Variants in SGCD observed in about 807,000 individuals in gnomAD.
SGCD encodes the protein delta-sarcoglycan.
SGCD carries 18 observed loss-of-function variants against 36.6 expected under a neutral mutation model. That is an observed-to-expected ratio of 0.49 (90% CI 0.34 to 0.73). The LOEUF is 0.73. Ranked by LOEUF, SGCD falls within the 30% of genes least tolerant of loss-of-function variation. SGCD has a pLI of 0.01. For missense variants in SGCD, 387 were observed against 346.7 expected, an observed-to-expected ratio of 1.12 and a Z score of -0.92; for synonymous variants, 133 against 130.6, an observed-to-expected ratio of 1.02 and a Z score of -0.12.
At chr5:156,576,274 A>ATAGT (rs1759949104) in intron 4 of SGCD, among the ~76,000 whole-genome samples, 1 of 152,164 alleles carries the variant, frequency 6.6e-6, no homozygotes. Context: ...TCATGGCTAC[A>ATAGT]TAGTATTCCA....
chr5:155,756,015 A>G, the SGCD span, among the ~76,000 whole-genome samples: 1 of 152,188 alleles, frequency 6.6e-6, no homozygotes, highest in Admixed American at 6.6e-5. Context: ...CATTTGTTCA[A>G]TTACAAAGTG....
Position 156,585,501 on chromosome 5 carries a change from T to C in SGCD, c.295-3730T>C, listed in dbSNP as rs150691475. On this transcript the variant is annotated intron_variant, in intron 4 of 8. Coordinates refer to ENST00000337851, the MANE Select transcript of SGCD (RefSeq NM_000337.6). Reference sequence around the variant, plus strand: ...CAGGTGATATTCAAAGTTAGTGTTATTTTAGTAAACATAGAGCACTGCGAC... The same window carrying C: ...CAGGTGATATTCAAAGTTAGTGTTACTTTAGTAAACATAGAGCACTGCGAC... 3.6e-3 allele frequency among the ~76,000 whole-genome samples: 549 copies of C among 152,314 alleles called. 4 individuals carry two copies. The highest frequency in any genetic ancestry group is 0.013 in the African/African-American group (529 of 41,572).
chr5:155,831,379 A>G, the SGCD span, among the ~76,000 whole-genome samples: 3 of 152,172 alleles, frequency 2.0e-5, no homozygotes, highest in South Asian at 4.1e-4. Flanking sequence ...GAGATTTACC[A>G]TTGTTTTAAG....
intron 3 of SGCD, among the ~76,000 whole-genome samples, chr5:156,471,225 A>G (rs989082676): frequency 6.6e-6 from 1 of 152,212 alleles, no homozygotes; most frequent in African/African-American, 2.4e-5. Flanking sequence ...TTTTTAAGAT[A>G]CTTCTCATCA....
At chr5:156,183,020 C>A (rs1259913299) in intron 3 of SGCD, among the ~76,000 whole-genome samples, 9 of 152,118 alleles carry the variant, frequency 5.9e-5, no homozygotes, top group Admixed American at 5.9e-4. Context: ...TGGCTCATGC[C>A]TGTAATCCTA....
At chr5:155,968,134 T>A (rs926374876) in intron 1 of SGCD, among the ~76,000 whole-genome samples, 1 of 152,094 alleles carries the variant, frequency 6.6e-6, no homozygotes, top group Non-Finnish European at 1.5e-5. Context: ...TTTCTCAGAA[T>A]TAAGCAAATG....
At chr5:156,385,877 T>C (rs947966174) in intron 3 of SGCD, among the ~76,000 whole-genome samples, 1 of 152,206 alleles carries the variant, frequency 6.6e-6, no homozygotes, top group Non-Finnish European at 1.5e-5. Flanking sequence ...CTCCTACAGT[T>C]GCCCAAACTA....
chr5:156,265,070 A>C (rs1344728844), intron 3 of SGCD, among the ~76,000 whole-genome samples: 1 of 152,202 alleles, frequency 6.6e-6, no homozygotes, highest in African/African-American at 2.4e-5. Flanking sequence ...CTAGAAGCCC[A>C]GCCTTTTCAG....
chr5:156,101,876 G>A (rs1480179642), intron 1 of SGCD, among the ~76,000 whole-genome samples: 3 of 148,940 alleles, frequency 2.0e-5, no homozygotes, highest in Non-Finnish European at 4.4e-5. Flanking sequence ...AAACGTATAG[G>A]AGAATCTATT....
At chr5:156,735,921 G>C (rs1227892089) in intron 7 of SGCD, among the ~76,000 whole-genome samples, 1 of 152,198 alleles carries the variant, frequency 6.6e-6, no homozygotes, top group African/African-American at 2.4e-5. Context: ...CTGTGTGTCA[G>C]ACTGAAGGCC....
chr5:156,338,906 A>T (rs768547698), intron 2 of SGCD, among the ~76,000 whole-genome samples: 1 of 152,088 alleles, frequency 6.6e-6, no homozygotes, highest in Non-Finnish European at 1.5e-5. Flanking sequence ...TCACAAGCCC[A>T]AGTCCAAGTC....
At chr5:156,468,288 C>T (rs1754798497) in intron 3 of SGCD, among the ~76,000 whole-genome samples, 1 of 143,672 alleles carries the variant, frequency 7.0e-6, no homozygotes, top group African/African-American at 2.6e-5. Context: ...CCACAGTGAG[C>T]TATGATTGTT....
At chr5:156,423,378 ATAATATAATATATTATATTTTAT>A (rs1773498891) in intron 3 of SGCD, among the ~76,000 whole-genome samples, 2 of 98,852 alleles carry the variant, frequency 2.0e-5, no homozygotes, top group African/African-American at 8.6e-5. Context: ...ATATTTTATT[ATAATATAATATATTATATTTTAT>A]TATAATATAA....
chr5:156,162,787 C>T (rs1327413920), intron 3 of SGCD, among the ~76,000 whole-genome samples: 1 of 151,690 alleles, frequency 6.6e-6, no homozygotes, highest in African/African-American at 2.4e-5. Context: ...GCTTAGGGCA[C>T]AGCTAAAACA....
chr5:156,107,372 G>T (rs543920805), intron 1 of SGCD, among the ~76,000 whole-genome samples: 1 of 152,066 alleles, frequency 6.6e-6, no homozygotes, highest in African/African-American at 2.4e-5. Context: ...GAAGGTTCAC[G>T]GAACCCCTAG....
At chr5:156,474,715 C>T (rs553501318) in intron 3 of SGCD, among the ~76,000 whole-genome samples, 3 of 152,128 alleles carry the variant, frequency 2.0e-5, no homozygotes, top group Non-Finnish European at 4.4e-5. Context: ...ATTGGGGAAA[C>T]AGGTAGAAAA....
intron 3 of SGCD, among the ~76,000 whole-genome samples, chr5:156,252,166 C>T (rs1180993902): frequency 6.6e-6 from 1 of 151,850 alleles, no homozygotes; most frequent in Non-Finnish European, 1.5e-5. Context: ...CTCCCGGGTT[C>T]AAGCCATTCT....
At chr5:156,715,482 C>T (rs1247529254) in intron 7 of SGCD, among the ~76,000 whole-genome samples, 1 of 152,182 alleles carries the variant, frequency 6.6e-6, no homozygotes, top group African/African-American at 2.4e-5. Context: ...GGCTTTCCCC[C>T]ATCCTGAGTG....
chr5:156,757,870 C>G, intron 8 of SGCD, 166 bp downstream of exon 8: 1 of 1,295,076 alleles, frequency 7.7e-7, no homozygotes, highest in African/African-American at 1.5e-5. Context: ...ATAAGCCAAA[C>G]CCACAATCCA....
Sources: allele counts gnomAD v4.1 joint callset (sites outside exome capture counted in the v4.1 genomes callset), GRCh38; gene constraint gnomAD v4.1.1; transcripts MANE v1.5; gene names NCBI Gene and HGNC (gene_info 2026-07-23, HGNC 2026-07-21).